The following EYS variants were observed in gnomAD, a reference collection of about 807,000 sequenced individuals.
The protein encoded by EYS is EGF-like photoreceptor maintenance factor.
EYS carries 250 observed loss-of-function variants against 282.1 expected under a neutral mutation model. That is an observed-to-expected ratio of 0.89 (90% CI 0.80 to 0.98). The LOEUF is 0.98. Ranked by LOEUF, EYS falls within the 50% of genes least tolerant of loss-of-function variation. The pLI is 0.00. For missense variants in EYS, 4,016 were observed against 3,709.0 expected (o/e 1.08, Z -2.15); for synonymous variants, 1,355 against 1,282.9 (o/e 1.06, Z -1.20).
chr6:64,330,887 T>C (rs1384747478), intron 29 of EYS, among the ~76,000 whole-genome samples: 1 of 152,088 alleles, frequency 6.6e-6, no homozygotes, highest in Non-Finnish European at 1.5e-5. Context: ...GGGTGGAGCA[T>C]GGAAAGCCCC....
chr6:65,511,804 C>G (rs1277529917), intron 2 of EYS, among the ~76,000 whole-genome samples: 6 of 151,678 alleles, frequency 4.0e-5, no homozygotes, highest in Non-Finnish European at 8.8e-5. Flanking sequence ...AATACACAAA[C>G]TAGCTGGGTG....
chr6:64,182,011 A>C (rs1048344892), intron 31 of EYS, among the ~76,000 whole-genome samples: 1 of 152,150 alleles, frequency 6.6e-6, no homozygotes, highest in Non-Finnish European at 1.5e-5. Context: ...TCACTCATTG[A>C]GGAAGACTCA....
At chr6:64,430,397 T>G (rs1774538449) in intron 28 of EYS, among the ~76,000 whole-genome samples, 1 of 152,110 alleles carries the variant, frequency 6.6e-6, no homozygotes, top group South Asian at 2.1e-4. Flanking sequence ...AAAGAAGCAA[T>G]TATTTAAAAC....
intron 29 of EYS, among the ~76,000 whole-genome samples, chr6:64,355,842 G>A (rs1011302338): frequency 6.6e-6 from 1 of 151,606 alleles, no homozygotes; most frequent in Non-Finnish European, 1.5e-5. Context: ...CCACAGGAGA[G>A]GTCCACAAGA....
chr6:63,802,195 A>G (rs979951282), intron 37 of EYS, among the ~76,000 whole-genome samples: 4 of 152,208 alleles, frequency 2.6e-5, no homozygotes, highest in African/African-American at 7.2e-5. Context: ...ATCCCTATAT[A>G]TGATATTATG....
intron 18 of EYS, among the ~76,000 whole-genome samples, chr6:64,896,337 G>A (rs555859418): frequency 6.6e-6 from 1 of 152,054 alleles, no homozygotes; most frequent in African/African-American, 2.4e-5. Flanking sequence ...AGGGGTCAGG[G>A]GCCTCCCTCC....
At chr6:65,521,979 G>A (rs949037711) in intron 2 of EYS, among the ~76,000 whole-genome samples, 14 of 151,980 alleles carry the variant, frequency 9.2e-5, no homozygotes, top group African/African-American at 1.7e-4. Context: ...TTTATTGTTC[G>A]GAGTTTGAGG....
At chr6:65,175,827 C>A (rs1765210049) in intron 12 of EYS, among the ~76,000 whole-genome samples, 1 of 151,358 alleles carries the variant, frequency 6.6e-6, no homozygotes. Context: ...ATACAAGAAC[C>A]ATAACCTTTG....
intron 33 of EYS, among the ~76,000 whole-genome samples, chr6:64,051,940 G>A (rs1770822748): frequency 6.6e-6 from 1 of 151,092 alleles, no homozygotes; most frequent in African/African-American, 2.4e-5. Flanking sequence ...AGTGCCAAAT[G>A]TTCATCTAGT....
At chr6:64,369,432 C>T (rs1383617913) in intron 29 of EYS, among the ~76,000 whole-genome samples, 1 of 152,030 alleles carries the variant, frequency 6.6e-6, no homozygotes, top group Non-Finnish European at 1.5e-5. Context: ...AAAGTTTTTT[C>T]TAATTCTTTG....
intron 31 of EYS, among the ~76,000 whole-genome samples, chr6:64,218,665 C>T (rs1315371017): frequency 6.6e-6 from 1 of 152,186 alleles, no homozygotes; most frequent in East Asian, 1.9e-4. Context: ...TAAGTAATGT[C>T]TAGCCTTGTT....
intron 35 of EYS, among the ~76,000 whole-genome samples, chr6:63,975,952 G>T (rs7739137): frequency 0.36 from 55,150 of 151,816 alleles, 10,129 homozygotes; most frequent in African/African-American, 0.41. Flanking sequence ...CCACCTAGGC[G>T]ATACAGTATG....
chr6:65,333,456 G>A (rs919055246), intron 11 of EYS, among the ~76,000 whole-genome samples: 46 of 151,536 alleles, frequency 3.0e-4, no homozygotes, highest in Admixed American at 1.3e-4. Flanking sequence ...GCATAGCGTA[G>A]GATATGATCT....
rs16895576 is a variant in EYS at position 64,606,209 on chromosome 6, T to C, written c.3684+11209A>G. ...GCTAAAATATGTGTCATAAAGGATATATTAAAAAATAACATAACCTCACAT... is the reference window on the plus strand; with the variant it reads ...GCTAAAATATGTGTCATAAAGGATACATTAAAAAATAACATAACCTCACAT... On this transcript the variant is annotated intron_variant, in intron 24 of 42. Coordinates refer to ENST00000503581, the MANE Select transcript of EYS (RefSeq NM_001142800.2). Among the ~76,000 whole-genome samples, 1,290 of 152,100 alleles carry C rather than the reference T, an allele frequency of 8.5e-3. 23 individuals are homozygous for C. The highest frequency in any genetic ancestry group is 0.028 in the African/African-American group (1,166 of 41,530).
At chr6:64,486,869 T>C (rs1196625904) in intron 26 of EYS, among the ~76,000 whole-genome samples, 2 of 151,334 alleles carry the variant, frequency 1.3e-5, no homozygotes, top group Non-Finnish European at 3.0e-5. Context: ...TGGAATCTTC[T>C]CCTGCAAAGA....
chr6:64,424,840 A>T (rs1295241521), intron 28 of EYS, among the ~76,000 whole-genome samples: 1 of 152,212 alleles, frequency 6.6e-6, no homozygotes, highest in African/African-American at 2.4e-5. Context: ...GAGTAAAACA[A>T]GTAAATATAA....
chr6:64,338,106 C>A (rs561649698), intron 29 of EYS, among the ~76,000 whole-genome samples: 30 of 152,070 alleles, frequency 2.0e-4, no homozygotes, highest in Non-Finnish European at 3.4e-4. Flanking sequence ...TCCTCTTCAA[C>A]ATAGTACTGA....
intron 12 of EYS, among the ~76,000 whole-genome samples, chr6:65,137,766 C>G (rs993947330): frequency 6.6e-6 from 1 of 151,898 alleles, no homozygotes; most frequent in Non-Finnish European, 1.5e-5. Flanking sequence ...GGAAGGAATA[C>G]AAGAGATATT....
intron 31 of EYS, among the ~76,000 whole-genome samples, chr6:64,165,456 T>C (rs1011763064): frequency 2.0e-5 from 3 of 152,164 alleles, no homozygotes; most frequent in African/African-American, 7.2e-5. Context: ...ACTAAAAATG[T>C]ACAAGTCTTC....
Sources: gnomAD v4.1 joint callset for allele counts (sites outside exome capture counted in the v4.1 genomes callset) on GRCh38, gnomAD v4.1.1 for gene constraint, MANE v1.5 for transcripts, NCBI Gene and HGNC (gene_info 2026-07-23, HGNC 2026-07-21) for gene names.